MYT1L: variants seen among roughly 807,000 people sequenced by gnomAD.
MYT1L encodes myelin transcription factor 1 like.
A neutral mutation model predicts 126.7 loss-of-function variants in MYT1L; 12 were observed. The observed-to-expected ratio is 0.09, with a 90% confidence interval of 0.06 to 0.15. The LOEUF (loss-of-function observed/expected upper bound fraction) is 0.15, where lower values mean the gene tolerates loss of function less well. Among genes scored for constraint, MYT1L ranks in the 10% least tolerant of loss-of-function variants. The probability of loss-of-function intolerance (pLI) is 1.00; values close to 1 mark genes in which losing one functional copy is unlikely to be tolerated. For synonymous variants in MYT1L, 541 were observed against 604.2 expected (o/e 0.90, Z 1.53); for missense variants, 979 against 1,585.2 (o/e 0.62, Z 6.49).
At chr2:2,068,769 G>GTTTGTTTTTT (rs2074210117) in intron 3 of MYT1L, among the ~76,000 whole-genome samples, 5 of 26,192 alleles carry the variant, frequency 1.9e-4, no homozygotes, top group Non-Finnish European at 2.2e-4. Flanking sequence ...TGTTCTTCTT[G>GTTTGTTTTTT]TTTTTTTTTT....
At chr2:2,143,682 T>G (rs990256511) in intron 3 of MYT1L, among the ~76,000 whole-genome samples, 1 of 152,094 alleles carries the variant, frequency 6.6e-6, no homozygotes, top group Non-Finnish European at 1.5e-5. Flanking sequence ...GGGGTGGCAT[T>G]TGTACCCAGG....
chr2:1,813,638 G>T (rs1373631105), intron 21 of MYT1L, among the ~76,000 whole-genome samples: 1 of 152,116 alleles, frequency 6.6e-6, no homozygotes, highest in Non-Finnish European at 1.5e-5. Flanking sequence ...CTGCGCCTGC[G>T]AGGGGGTCCG....
chr2:1,960,040 C>T (rs996216476), intron 8 of MYT1L, among the ~76,000 whole-genome samples: 1 of 152,160 alleles, frequency 6.6e-6, no homozygotes, highest in Non-Finnish European at 1.5e-5. Context: ...TAAAGACTGG[C>T]CCCCATGAGC....
At chr2:2,253,715 G>A (rs573570939) in intron 2 of MYT1L, among the ~76,000 whole-genome samples, 409 of 145,948 alleles carry the variant, frequency 2.8e-3, no homozygotes, top group African/African-American at 9.9e-3. Context: ...AACAGGAAGC[G>A]GGGCAGGAGG....
intron 2 of MYT1L, among the ~76,000 whole-genome samples, chr2:2,273,212 C>G (rs1208920247): frequency 1.3e-5 from 2 of 152,162 alleles, no homozygotes; most frequent in African/African-American, 4.8e-5. Context: ...TATCGCAGGA[C>G]CTTTCGGCCC....
At chr2:1,978,755 A>G (rs1285333717) in intron 8 of MYT1L, among the ~76,000 whole-genome samples, 2 of 152,192 alleles carry the variant, frequency 1.3e-5, no homozygotes, top group African/African-American at 4.8e-5. Context: ...AATGGAGTCT[A>G]CAGACAGGTC....
intron 2 of MYT1L, among the ~76,000 whole-genome samples, chr2:2,244,199 C>T (rs369591050): frequency 2.2e-4 from 33 of 152,214 alleles, no homozygotes; most frequent in Middle Eastern, 3.4e-3. Flanking sequence ...AAATGCTGAC[C>T]GGTCTTTGTT....
intron 5 of MYT1L, among the ~76,000 whole-genome samples, chr2:1,983,359 C>T (rs2060751866): frequency 6.6e-6 from 1 of 152,202 alleles, no homozygotes; most frequent in Non-Finnish European, 1.5e-5. Context: ...TCCCTTTCAG[C>T]CAATGAAACC....
chr2:2,227,569 C>G (rs745538865), intron 2 of MYT1L, among the ~76,000 whole-genome samples: 3 of 152,206 alleles, frequency 2.0e-5, no homozygotes, highest in Non-Finnish European at 4.4e-5. Flanking sequence ...CCCTGCACTG[C>G]TCCTGTCCTG....
At chr2:2,036,565 T>C (rs1399540881) in intron 4 of MYT1L, among the ~76,000 whole-genome samples, 2 of 152,250 alleles carry the variant, frequency 1.3e-5, no homozygotes, top group African/African-American at 2.4e-5. Context: ...CAGCTCCTCA[T>C]GGCAGAAACT....
chr2:2,037,930 C>T (rs1280952969), intron 4 of MYT1L, among the ~76,000 whole-genome samples: 1 of 152,142 alleles, frequency 6.6e-6, no homozygotes, highest in Non-Finnish European at 1.5e-5. Flanking sequence ...TGTAACCTCC[C>T]CTAACTCCCA....
At chr2:1,828,673 C>T (rs540200334) in intron 21 of MYT1L, 2 of 152,296 alleles carry the variant, frequency 1.3e-5, no homozygotes, top group Admixed American at 1.3e-4. Context: ...AAATAGCTCA[C>T]ATAGTAAGTA....
At chr2:2,030,459 C>T (rs945000261) in intron 4 of MYT1L, among the ~76,000 whole-genome samples, 3 of 152,082 alleles carry the variant, frequency 2.0e-5, no homozygotes, top group Non-Finnish European at 2.9e-5. Context: ...ATCATTCATT[C>T]GTTCATTTGT....
chr2:2,270,578 C>G (rs1246306495), intron 2 of MYT1L, among the ~76,000 whole-genome samples: 1 of 151,958 alleles, frequency 6.6e-6, no homozygotes, highest in East Asian at 1.9e-4. Flanking sequence ...TACAGCCAAT[C>G]CGAGCAATGA....
intron 3 of MYT1L, among the ~76,000 whole-genome samples, chr2:2,172,612 C>T (rs576785094): frequency 7.2e-5 from 11 of 152,294 alleles, no homozygotes; most frequent in South Asian, 4.1e-4. Flanking sequence ...CTGGGAGCCC[C>T]GTGCTGGGCA....
At chr2:2,119,911 C>A (rs188807874) in intron 3 of MYT1L, among the ~76,000 whole-genome samples, 1 of 151,800 alleles carries the variant, frequency 6.6e-6, no homozygotes, top group South Asian at 2.1e-4. Context: ...ATTTGGTTTG[C>A]GGAAATATGA....
At chr2:1,884,495 C>A (rs1449553857) in intron 18 of MYT1L, among the ~76,000 whole-genome samples, 1 of 152,178 alleles carries the variant, frequency 6.6e-6, no homozygotes, top group African/African-American at 2.4e-5. Flanking sequence ...TCACCAATTA[C>A]AAGGTTAAAG....
intron 11 of MYT1L, among the ~76,000 whole-genome samples, chr2:1,914,979 C>T: frequency 6.6e-6 from 1 of 151,926 alleles, no homozygotes; most frequent in East Asian, 2.0e-4. Context: ...AGCAGTTCTC[C>T]ATCCCGCCTA....
intron 2 of MYT1L, among the ~76,000 whole-genome samples, chr2:2,233,007 T>C (rs762440939): frequency 9.9e-5 from 15 of 152,196 alleles, no homozygotes; most frequent in Non-Finnish European, 2.1e-4. Context: ...GCCGATTGGA[T>C]GTAAAAACGT....
Sources: allele counts gnomAD v4.1 joint callset (sites outside exome capture counted in the v4.1 genomes callset), GRCh38; gene constraint gnomAD v4.1.1; transcripts MANE v1.5; gene names NCBI Gene and HGNC (gene_info 2026-07-23, HGNC 2026-07-21).